Variants in DST observed in about 807,000 individuals in gnomAD.
The protein encoded by DST is bullous pemphigoid antigen.
A neutral mutation model predicts 875.2 loss-of-function variants in DST; 253 were observed. The observed-to-expected ratio is 0.29, with a 90% CI of 0.26 to 0.32. The LOEUF (loss-of-function observed/expected upper bound fraction) is 0.32. Among genes scored for constraint, DST ranks in the 10% least tolerant of loss-of-function variants. The pLI is 1.00. For synonymous variants in DST, 3,124 were observed against 3,197.1 expected (o/e 0.98, Z 0.77); for missense variants, 8,287 against 9,111.6 (o/e 0.91, Z 3.68).
chr6:56,516,654 T>C (rs574325478), intron 71 of DST, among the ~76,000 whole-genome samples: 2 of 152,184 alleles, frequency 1.3e-5, no homozygotes, highest in Non-Finnish European at 1.5e-5. Context: ...TGTCTGAATA[T>C]GAATTGAACA....
chr6:56,539,559 T>C (rs1218978046), intron 61 of DST, among the ~76,000 whole-genome samples: 3 of 152,050 alleles, frequency 2.0e-5, no homozygotes, highest in African/African-American at 7.2e-5. Context: ...AAGAGAAGTT[T>C]AAAATAAAAT....
intron 2 of DST, among the ~76,000 whole-genome samples, chr6:56,925,198 TG>T (rs1459768917): frequency 6.6e-6 from 1 of 152,210 alleles, no homozygotes; most frequent in Non-Finnish European, 1.5e-5. Flanking sequence ...CAAACTTTGA[TG>T]GAACTGGCTA....
chr6:56,735,428 A>T, intron 4 of DST, 139 bp from the exon 5 acceptor site: 1 of 617,168 alleles, frequency 1.6e-6, no homozygotes, highest in Non-Finnish European at 2.8e-6. Flanking sequence ...AAATTTTGGC[A>T]ACTTCAGGCT....
intron 4 of DST, among the ~76,000 whole-genome samples, chr6:56,744,183 A>G (rs2099560901): frequency 6.6e-6 from 1 of 150,990 alleles, no homozygotes; most frequent in Admixed American, 6.6e-5. Flanking sequence ...GCTTGGCCCG[A>G]TTGTTAATGG....
rs70989741 is a variant in DST, at chr6:56,916,753, A to ATCTCTCTCTC, written c.217-16142_217-16133dup. On this transcript the variant is annotated intron_variant, in intron 2 of 103. Coordinates refer to ENST00000680361, the MANE Select transcript of DST (RefSeq NM_001374736.1). ...GAGACAAGATCTTCTCTCTCTCTCT[A>ATCTCTCTCTC]TCTCTCTCTCTCTCTCTCTCTCTCT... Among the ~76,000 whole-genome samples, 522 of 95,308 alleles carry ATCTCTCTCTC rather than the reference A, an allele frequency of 5.5e-3. 6 individuals carry two copies. Among genetic ancestry groups the ATCTCTCTCTC allele is most frequent in the East Asian group, 0.016 (44 of 2,836 alleles). 62.5% of individuals were successfully genotyped at this position (95,308 alleles called of 152,430 possible).
At position 56,592,216 on chromosome 6, in the gene DST, G is replaced by A. The variant is rs757864438; in HGVS notation, c.12869C>T (p.Pro4290Leu). Residue 4290 changes from proline to leucine, a missense_variant, in exon 49 of 104, where the codon CCC becomes CTC. By Grantham distance (98) the Pro-to-Leu change is moderately conservative. Coordinates refer to ENST00000680361, the MANE Select transcript of DST (RefSeq NM_001374736.1). The part of the protein sequence containing the change: ...KHLSEPIAVD[P>L]KNLQRQLEET... Reference sequence around the variant, plus strand: ...TTCTAATTGCCTTTGAAGATTTTTGGGGTCCACCGCAATAGGTTCAGATAA... The same window carrying A: ...TTCTAATTGCCTTTGAAGATTTTTGAGGTCCACCGCAATAGGTTCAGATAA... 4.5e-5 allele frequency: 73 copies of A among 1,613,300 alleles called. No homozygotes were observed. Among genetic ancestry groups the A allele is most frequent in the Non-Finnish European group, 6.0e-5 (71 of 1,179,742 alleles).
At chr6:56,588,919 T>C (rs939775228) in intron 49 of DST, among the ~76,000 whole-genome samples, 4 of 152,150 alleles carry the variant, frequency 2.6e-5, no homozygotes, top group Non-Finnish European at 5.9e-5. Flanking sequence ...GCAGTTTAAT[T>C]ACGGGAAGTG....
intron 49 of DST, among the ~76,000 whole-genome samples, chr6:56,580,045 G>A (rs1206244851): frequency 1.3e-5 from 2 of 152,214 alleles, no homozygotes; most frequent in Non-Finnish European, 2.9e-5. Flanking sequence ...GAATTAGTTA[G>A]AGTTGGGAAG....
chr6:56,843,453 G>T, intron 4 of DST: 1 of 1,011,658 alleles, frequency 9.9e-7, no homozygotes, highest in Non-Finnish European at 1.2e-6. Flanking sequence ...GACGAGCAGC[G>T]CCACGCCAAG....
At chr6:56,724,579 C>T (rs571152137) in intron 5 of DST, among the ~76,000 whole-genome samples, 2 of 152,302 alleles carry the variant, frequency 1.3e-5, no homozygotes, top group South Asian at 2.1e-4. Context: ...TATCTAATCT[C>T]GGCTAAACTC....
chr6:56,633,905 A>G (rs2098805055), intron 27 of DST, among the ~76,000 whole-genome samples: 1 of 152,164 alleles, frequency 6.6e-6, no homozygotes, highest in Admixed American at 6.5e-5. Context: ...CTGCCTCCCT[A>G]TCTCACAGTA....
At chr6:56,495,390 G>A (rs184057523) in intron 82 of DST, among the ~76,000 whole-genome samples, 38 of 151,814 alleles carry the variant, frequency 2.5e-4, no homozygotes, top group African/African-American at 2.4e-4. Flanking sequence ...TAAATACCCC[G>A]CCCAAACTCA....
intron 5 of DST, among the ~76,000 whole-genome samples, chr6:56,723,552 C>CAA (rs1189078305): frequency 6.6e-6 from 1 of 151,662 alleles, no homozygotes. Context: ...CAAAAAGAGC[C>CAA]AAACTCTGTT....
intron 86 of DST, among the ~76,000 whole-genome samples, chr6:56,488,457 A>G (rs537797262): frequency 1.3e-5 from 2 of 152,324 alleles, no homozygotes; most frequent in East Asian, 1.9e-4. Flanking sequence ...TGCTCCCAAT[A>G]TTGAATGTGG....
intron 61 of DST, among the ~76,000 whole-genome samples, chr6:56,538,031 G>A (rs1427453936): frequency 6.6e-6 from 1 of 152,100 alleles, no homozygotes; most frequent in East Asian, 1.9e-4. Context: ...CACCCATGCT[G>A]GAGGGCAGTA....
intron 4 of DST, among the ~76,000 whole-genome samples, chr6:56,760,165 C>G (rs1373366133): frequency 6.6e-6 from 1 of 152,052 alleles, no homozygotes; most frequent in Non-Finnish European, 1.5e-5. Flanking sequence ...AGACACATAT[C>G]TAACTTTGAA....
chr6:56,639,621 G>A lies in DST; in HGVS notation c.2698-10C>T, dbSNP rs976582556. 10 of 1,613,390 alleles carry A rather than the reference G, an allele frequency of 6.2e-6. No individual in the cohort carries two copies. The highest frequency in any genetic ancestry group is 8.5e-6 in the Non-Finnish European group (10 of 1,179,746). On this transcript the variant is annotated splice_polypyrimidine_tract_variant and intron_variant, in intron 20 of 103. Transcript: ENST00000680361. ...GATTCCTGGATGTATTCTTTAGTAAGGAAAATCATCATAAGAATCATGTTT... is the reference window on the plus strand; with the variant it reads ...GATTCCTGGATGTATTCTTTAGTAAAGAAAATCATCATAAGAATCATGTTT...
At chr6:56,794,197 T>G (rs1323871757) in intron 4 of DST, among the ~76,000 whole-genome samples, 1 of 152,234 alleles carries the variant, frequency 6.6e-6, no homozygotes, top group African/African-American at 2.4e-5. Flanking sequence ...ACCAAGTATT[T>G]CGACTGAACC....
chr6:56,742,259 G>A, intron 4 of DST: 1 of 1,276,238 alleles, frequency 7.8e-7, no homozygotes, highest in East Asian at 5.6e-5. Context: ...TAGTATATGT[G>A]ATACTACTAA....
Sources: gnomAD v4.1 joint callset for allele counts (sites outside exome capture counted in the v4.1 genomes callset) on GRCh38, gnomAD v4.1.1 for gene constraint, MANE v1.5 for transcripts, NCBI Gene and HGNC (gene_info 2026-07-23, HGNC 2026-07-21) for gene names.